Variants in KCNMA1 observed in about 807,000 individuals in gnomAD.
KCNMA1 encodes the protein potassium calcium-activated channel subfamily M alpha 1.
KCNMA1 carries 29 observed loss-of-function variants against 140.0 expected under a neutral mutation model. The ratio of observed to expected loss-of-function variants is 0.21; its 90% CI spans 0.15 to 0.28. KCNMA1 has a LOEUF of 0.28. Among genes scored for constraint, KCNMA1 ranks in the 10% least tolerant of loss-of-function variants. The pLI is 1.00. For missense variants in KCNMA1, 880 were observed against 1,602.2 expected (o/e 0.55, Z 7.70); for synonymous variants, 612 against 611.9 (o/e 1.00, Z 0.00).
intron 25 of KCNMA1, among the ~76,000 whole-genome samples, chr10:76,892,151 G>T (rs78529741): frequency 1.3e-5 from 2 of 152,146 alleles, no homozygotes; most frequent in East Asian, 3.9e-4. Context: ...GTGCCAGGAA[G>T]CTTCCTCCCC....
intron 1 of KCNMA1, among the ~76,000 whole-genome samples, chr10:77,406,934 C>T (rs1012365740): frequency 7.2e-5 from 11 of 152,060 alleles, no homozygotes; most frequent in Admixed American, 1.3e-4. Context: ...GAGAAATCAA[C>T]GTGAAAAAGG....
intron 5 of KCNMA1, among the ~76,000 whole-genome samples, chr10:77,175,238 G>A (rs2098742634): frequency 6.6e-6 from 1 of 152,096 alleles, no homozygotes; most frequent in African/African-American, 2.4e-5. Flanking sequence ...CTCCAGAATT[G>A]GACTAACCTG....
chr10:77,610,493 C>T (rs942476315), intron 1 of KCNMA1, among the ~76,000 whole-genome samples: 2 of 152,244 alleles, frequency 1.3e-5, no homozygotes, highest in Admixed American at 1.3e-4. Context: ...CTCTCTAGCA[C>T]AGAATCTCTT....
Position 76,971,418 on chromosome 10 carries a change from T to C in KCNMA1, c.2267-1351A>G, listed in dbSNP as rs149005493. Among the ~76,000 whole-genome samples, 183 of 152,304 alleles carry C rather than the reference T, an allele frequency of 1.2e-3. 1 individual carries two copies. The East Asian group carries it at 0.033, about 27-fold the overall frequency. On this transcript the variant is annotated intron_variant, in intron 19 of 27. Coordinates refer to ENST00000286628, the MANE Select transcript of KCNMA1 (RefSeq NM_001161352.2). ...GCTAAATAAATTTAGTAGGTTATGA[T>C]ACATGCTTCCAAAGCTATTTTAATA...
intron 1 of KCNMA1, among the ~76,000 whole-genome samples, chr10:77,426,784 G>C (rs2097008363): frequency 6.6e-6 from 1 of 152,202 alleles, no homozygotes; most frequent in Non-Finnish European, 1.5e-5. Flanking sequence ...CCCCAGCAGA[G>C]CCTTAAAGGG....
At chr10:77,458,943 A>T (rs1333692333) in intron 1 of KCNMA1, among the ~76,000 whole-genome samples, 2 of 152,240 alleles carry the variant, frequency 1.3e-5, no homozygotes, top group Non-Finnish European at 2.9e-5. Flanking sequence ...GAACATTTCC[A>T]TCATTACAGA....
At chr10:77,018,013 C>T (rs2092371102) in intron 17 of KCNMA1, among the ~76,000 whole-genome samples, 2 of 152,154 alleles carry the variant, frequency 1.3e-5, no homozygotes, top group South Asian at 2.1e-4. Context: ...AAAGGAAAGA[C>T]CAGTTCCACT....
chr10:77,608,188 T>C (rs187989055), intron 1 of KCNMA1, among the ~76,000 whole-genome samples: 3 of 152,244 alleles, frequency 2.0e-5, no homozygotes, highest in African/African-American at 7.2e-5. Context: ...TTTCTTTTTT[T>C]TGGAGACAGG....
rs370009298 is a variant in KCNMA1 at position 76,898,015 on chromosome 10, T to C, written c.3148-6296A>G. Among the ~76,000 whole-genome samples, 14 of 151,878 alleles carry C rather than the reference T, an allele frequency of 9.2e-5. 1 individual carries two copies. The highest frequency in any genetic ancestry group is 5.8e-4 in the East Asian group (3 of 5,170). Reference sequence around the variant, plus strand: ...CTACAGAAAATAAGCATACAAAATATAGTCCACATACCAAAAGATGGATCA... The same window carrying C: ...CTACAGAAAATAAGCATACAAAATACAGTCCACATACCAAAAGATGGATCA... On this transcript the variant is annotated intron_variant, in intron 25 of 27. Coordinates refer to ENST00000286628, the MANE Select transcript of KCNMA1 (RefSeq NM_001161352.2).
intron 5 of KCNMA1, among the ~76,000 whole-genome samples, chr10:77,128,767 G>A (rs1030958896): frequency 9.2e-5 from 14 of 151,980 alleles, no homozygotes; most frequent in African/African-American, 3.1e-4. Context: ...ATATAAATAG[G>A]CCATGGACAC....
intron 1 of KCNMA1, among the ~76,000 whole-genome samples, chr10:77,407,630 T>G (rs1270738058): frequency 1.3e-5 from 2 of 152,244 alleles, no homozygotes; most frequent in Non-Finnish European, 2.9e-5. Flanking sequence ...AGAGCCCACC[T>G]GGGCTTGTAC....
intron 24 of KCNMA1, chr10:76,911,119 CT>C (rs2050013691): frequency 6.6e-6 from 1 of 151,844 alleles, no homozygotes; most frequent in South Asian, 2.1e-4. Context: ...TCCCTGATTC[CT>C]TTCTAAATGT....
chr10:77,169,008 G>A (rs1376817083), intron 5 of KCNMA1, among the ~76,000 whole-genome samples: 1 of 152,138 alleles, frequency 6.6e-6, no homozygotes, highest in Non-Finnish European at 1.5e-5. Context: ...GGCCAGAGTG[G>A]CTAACTCCTG....
chr10:77,286,766 C>T (rs868855238), intron 2 of KCNMA1, among the ~76,000 whole-genome samples: 2 of 136,684 alleles, frequency 1.5e-5, no homozygotes, highest in South Asian at 2.6e-4. Context: ...TGTGTGTGTG[C>T]GGGGGGGGGG....
intron 1 of KCNMA1, among the ~76,000 whole-genome samples, chr10:77,548,128 G>A (rs1335655539): frequency 6.7e-6 from 1 of 148,688 alleles, no homozygotes; most frequent in African/African-American, 2.6e-5. Context: ...CTTATATGGA[G>A]GGAAAAGGAT....
intron 1 of KCNMA1, among the ~76,000 whole-genome samples, chr10:77,437,839 A>C (rs1033533549): frequency 1.3e-5 from 2 of 152,170 alleles, no homozygotes; most frequent in African/African-American, 4.8e-5. Flanking sequence ...TCTTCCTTAA[A>C]GTAAGAGGCT....
intron 1 of KCNMA1, among the ~76,000 whole-genome samples, chr10:77,577,583 C>T (rs1489813085): frequency 6.6e-6 from 1 of 152,182 alleles, no homozygotes; most frequent in Non-Finnish European, 1.5e-5. Flanking sequence ...CATGTGTATA[C>T]ACATATATAC....
intron 5 of KCNMA1, among the ~76,000 whole-genome samples, chr10:77,178,512 G>C (rs1028394834): frequency 6.6e-6 from 1 of 152,088 alleles, no homozygotes; most frequent in African/African-American, 2.4e-5. Context: ...TTTGAGACCA[G>C]CCTGGCCAAC....
intron 1 of KCNMA1, among the ~76,000 whole-genome samples, chr10:77,542,385 C>T (rs2060388929): frequency 6.6e-6 from 1 of 152,192 alleles, no homozygotes; most frequent in South Asian, 2.1e-4. Context: ...GCTAACACCC[C>T]CTCCCTGTTT....
Sources: gnomAD v4.1 joint callset for allele counts (sites outside exome capture counted in the v4.1 genomes callset) on GRCh38, gnomAD v4.1.1 for gene constraint, MANE v1.5 for transcripts, NCBI Gene and HGNC (gene_info 2026-07-23, HGNC 2026-07-21) for gene names.